The following TXK variants were observed in gnomAD, a reference collection of about 807,000 sequenced individuals.
TXK encodes tyrosine-protein kinase TXK.
Under a neutral mutation model 81.0 loss-of-function variants are expected in TXK, and 60 were observed. The observed-to-expected ratio is 0.74, with a 90% CI of 0.60 to 0.92. The LOEUF (loss-of-function observed/expected upper bound fraction) is 0.92. Among genes scored for constraint, TXK ranks in the 40% least tolerant of loss-of-function variants. The probability of loss-of-function intolerance (pLI) is 0.00; values close to 1 mark genes in which losing one functional copy is unlikely to be tolerated. For missense variants in TXK, 581 were observed against 638.3 expected (o/e 0.91, Z 0.97); for synonymous variants, 203 against 210.7 (o/e 0.96, Z 0.32).
intron 9 of TXK, among the ~76,000 whole-genome samples, chr4:48,087,514 C>A (rs1209299704): frequency 6.6e-6 from 1 of 151,972 alleles, no homozygotes; most frequent in Non-Finnish European, 1.5e-5. Context: ...CAGCTGACTA[C>A]AAGCTCCACC....
chr4:48,124,654 A>C (rs1018456797), intron 1 of TXK, among the ~76,000 whole-genome samples: 3 of 152,020 alleles, frequency 2.0e-5, no homozygotes, highest in African/African-American at 7.3e-5. Flanking sequence ...CTTTTGACTG[A>C]GTGGAACGGC....
At chr4:48,106,919 G>T (rs1718477315) in intron 5 of TXK, among the ~76,000 whole-genome samples, 1 of 151,996 alleles carries the variant, frequency 6.6e-6, no homozygotes, top group African/African-American at 2.4e-5. Context: ...TTTTTAAAAT[G>T]ATATTTGTAC....
At chr4:48,096,960 T>A (rs2464501) in intron 6 of TXK, among the ~76,000 whole-genome samples, 6,571 of 152,248 alleles carry the variant, frequency 0.043, 471 homozygotes, top group African/African-American at 0.15. Context: ...AATAAATTTA[T>A]AGTCTTATTA....
At chr4:48,132,117 T>C (rs957017553) in intron 1 of TXK, among the ~76,000 whole-genome samples, 1 of 152,098 alleles carries the variant, frequency 6.6e-6, no homozygotes, top group African/African-American at 2.4e-5. Context: ...ACAGATGATA[T>C]TTAAAAATTA....
chr4:48,104,713 AAAGT>A (rs887144130), intron 6 of TXK, among the ~76,000 whole-genome samples, 184 bp downstream of exon 6: 2 of 145,734 alleles, frequency 1.4e-5, no homozygotes, highest in African/African-American at 5.1e-5. Context: ...AATTATAATG[AAAGT>A]TGATGGAAAA....
At chr4:48,072,862 T>C (rs1365201703) in intron 13 of TXK, among the ~76,000 whole-genome samples, 3 of 152,200 alleles carry the variant, frequency 2.0e-5, no homozygotes, top group Non-Finnish European at 4.4e-5. Context: ...GAGACTATCA[T>C]ATGTCCATGG....
intron 13 of TXK, among the ~76,000 whole-genome samples, chr4:48,071,992 C>G (rs1415684382): frequency 7.0e-6 from 1 of 142,882 alleles, no homozygotes; most frequent in Non-Finnish European, 1.5e-5. Context: ...CTCGCTCTGT[C>G]GCCCGGGCTG....
chr4:48,097,103 T>A (rs1560351157), intron 6 of TXK, among the ~76,000 whole-genome samples: 1 of 152,014 alleles, frequency 6.6e-6, no homozygotes, highest in East Asian at 1.9e-4. Flanking sequence ...TAATAAATTA[T>A]TAAAGTAAGA....
chr4:48,084,110 G>T (rs11737047), intron 10 of TXK, among the ~76,000 whole-genome samples: 11,317 of 152,150 alleles, frequency 0.074, 504 homozygotes, highest in South Asian at 0.14. Context: ...GTGTGTGTAT[G>T]ACAGGGTCTC....
intron 6 of TXK, among the ~76,000 whole-genome samples, chr4:48,097,273 T>C (rs1341510843): frequency 6.6e-6 from 1 of 152,178 alleles, no homozygotes; most frequent in East Asian, 1.9e-4. Context: ...AGGAATTTAC[T>C]TGATTCTATA....
chr4:48,107,576 A>C (rs1017111243), intron 5 of TXK, among the ~76,000 whole-genome samples: 7 of 151,948 alleles, frequency 4.6e-5, no homozygotes, highest in Non-Finnish European at 1.0e-4. Context: ...GTTCCGGGGT[A>C]CATGTACAGG....
At chr4:48,092,436 G>C (rs962583785) in intron 8 of TXK, among the ~76,000 whole-genome samples, 1 of 152,146 alleles carries the variant, frequency 6.6e-6, no homozygotes, top group Non-Finnish European at 1.5e-5. Flanking sequence ...GAACTAGAAA[G>C]CACCACTGTA....
chr4:48,074,831 T>C (rs1445824703), intron 12 of TXK, among the ~76,000 whole-genome samples: 2 of 152,146 alleles, frequency 1.3e-5, no homozygotes, highest in East Asian at 3.8e-4. Context: ...CAGCACTTTA[T>C]TGAGTCAGAG....
At chr4:48,096,768 A>G (rs1004423494) in intron 6 of TXK, among the ~76,000 whole-genome samples, 1 of 152,142 alleles carries the variant, frequency 6.6e-6, no homozygotes, top group African/African-American at 2.4e-5. Context: ...ACCTCAAGTG[A>G]TATGCCCACC....
intron 1 of TXK, among the ~76,000 whole-genome samples, chr4:48,119,892 GCCACAGGATGCAAAA>G (rs1302285338): frequency 6.6e-6 from 1 of 152,060 alleles, no homozygotes; most frequent in Non-Finnish European, 1.5e-5. Flanking sequence ...ATCTATTCAG[GCCACAGGATGCAAAA>G]CCAAATGTAG....
intron 14 of TXK, 144 bp downstream of exon 14, chr4:48,071,373 A>G (rs1045971092): frequency 2.6e-6 from 2 of 762,596 alleles, no homozygotes; most frequent in African/African-American, 1.7e-5. Context: ...AGTTTGAGAT[A>G]GTACTTCAGA....
At chr4:48,132,101 G>C (rs11931912) in intron 1 of TXK, among the ~76,000 whole-genome samples, 3 of 149,370 alleles carry the variant, frequency 2.0e-5, no homozygotes, top group Non-Finnish European at 4.4e-5. Context: ...AGGGGATTTC[G>C]CTTAAACAGA....
intron 6 of TXK, among the ~76,000 whole-genome samples, chr4:48,097,583 G>A (rs1238816400): frequency 6.6e-6 from 1 of 151,260 alleles, no homozygotes; most frequent in Non-Finnish European, 1.5e-5. Flanking sequence ...GACTACAGGC[G>A]CCTGCCACCA....
At chr4:48,079,321 A>G (rs1234468481) in intron 11 of TXK, among the ~76,000 whole-genome samples, 2 of 152,194 alleles carry the variant, frequency 1.3e-5, no homozygotes, top group Non-Finnish European at 2.9e-5. Flanking sequence ...GCTGGAGGCT[A>G]CAAGATTCTG....
Sources: gnomAD v4.1 joint callset for allele counts (sites outside exome capture counted in the v4.1 genomes callset) on GRCh38, gnomAD v4.1.1 for gene constraint, MANE v1.5 for transcripts, NCBI Gene and HGNC (gene_info 2026-07-23, HGNC 2026-07-21) for gene names.